Variants in UGT2B7 observed in about 807,000 individuals in gnomAD.
UGT2B7 encodes the protein UDP glucuronosyltransferase family 2 member B7.
Under a neutral mutation model 51.9 loss-of-function variants are expected in UGT2B7, and 51 were observed. That is an observed-to-expected ratio of 0.98 (90% CI 0.78 to 1.24). The LOEUF (loss-of-function observed/expected upper bound fraction) is 1.24, where lower values mean the gene tolerates loss of function less well. Ranked by LOEUF, UGT2B7 falls within the 50% of genes most tolerant of loss-of-function variation. The pLI, the probability that UGT2B7 is intolerant of heterozygous loss-of-function variation, is 0.00. For missense variants in UGT2B7, 727 were observed against 628.4 expected, an observed-to-expected ratio of 1.16 and a Z score of -1.68; for synonymous variants, 225 against 211.6, an observed-to-expected ratio of 1.06 and a Z score of -0.55.
At chr4:69,098,776 A>G in intron 2 of UGT2B7, 88 bp downstream of exon 2, 1 of 1,567,842 alleles carries the variant, frequency 6.4e-7, no homozygotes, top group South Asian at 1.2e-5. Flanking sequence ...TGTTTGACTT[A>G]CACTGAAAGA....
intron 1 of UGT2B7, among the ~76,000 whole-genome samples, chr4:69,070,853 C>T (rs1403866640): frequency 2.6e-5 from 4 of 151,984 alleles, no homozygotes; most frequent in South Asian, 2.1e-4. Flanking sequence ...ACTCTCTTAG[C>T]GTGGCGTTTA....
At chr4:69,073,601 A>T (rs1339035367) in intron 1 of UGT2B7, among the ~76,000 whole-genome samples, 3 of 152,326 alleles carry the variant, frequency 2.0e-5, no homozygotes, top group Non-Finnish European at 4.4e-5. Context: ...GGATTAATCC[A>T]CCATAATGAG....
At chr4:69,070,261 A>G (rs1351933952) in intron 1 of UGT2B7, among the ~76,000 whole-genome samples, 1 of 147,462 alleles carries the variant, frequency 6.8e-6, no homozygotes, top group Non-Finnish European at 1.5e-5. Flanking sequence ...TATATTTTAT[A>G]TATTATACTT....
chr4:69,068,775 C>G (rs1301239130), intron 1 of UGT2B7, among the ~76,000 whole-genome samples: 1 of 151,938 alleles, frequency 6.6e-6, no homozygotes, highest in Admixed American at 6.6e-5. Context: ...CAGTGCCATA[C>G]TTTAGCACTT....
intron 1 of UGT2B7, among the ~76,000 whole-genome samples, chr4:69,064,110 GAAA>G (rs56902567): frequency 1.2e-5 from 1 of 82,704 alleles, no homozygotes; most frequent in African/African-American, 5.6e-5. Flanking sequence ...AAGAAAGAAA[GAAA>G]AAGAAAGAAA....
At chr4:69,092,110 G>T (rs1719099003), upstream of UGT2B7, among the ~76,000 whole-genome samples, 2 of 151,856 alleles carry the variant, frequency 1.3e-5, no homozygotes, top group South Asian at 2.1e-4. Context: ...CAATTTTTTT[G>T]TAAAATGTTT....
intron 1 of UGT2B7, among the ~76,000 whole-genome samples, chr4:69,072,012 A>G (rs1176607526): frequency 6.6e-6 from 1 of 152,108 alleles, no homozygotes; most frequent in East Asian, 1.9e-4. Flanking sequence ...ATATAGCTAG[A>G]TAAAATAATC....
chr4:69,056,988 C>T (rs1382424990), intron 1 of UGT2B7, among the ~76,000 whole-genome samples: 1 of 152,198 alleles, frequency 6.6e-6, no homozygotes, highest in Non-Finnish European at 1.5e-5. Context: ...AGCCCTGGGC[C>T]TGCCTGGCTT....
intron 1 of UGT2B7, among the ~76,000 whole-genome samples, chr4:69,052,221 C>A (rs1209369116): frequency 6.6e-6 from 1 of 151,922 alleles, no homozygotes; most frequent in Non-Finnish European, 1.5e-5. Context: ...ACCAAGGCAC[C>A]AAGACCAGTT....
At chr4:69,087,136 C>T (rs1215886291) in intron 1 of UGT2B7, among the ~76,000 whole-genome samples, 1 of 151,568 alleles carries the variant, frequency 6.6e-6, no homozygotes, top group Non-Finnish European at 1.5e-5. Context: ...CTCTGTCTCT[C>T]TCTCTCTGTG....
intron 3 of UGT2B7, among the ~76,000 whole-genome samples, chr4:69,103,757 G>T (rs1293320394): frequency 6.6e-6 from 1 of 152,132 alleles, no homozygotes; most frequent in African/African-American, 2.4e-5. Context: ...GAAGCTCTTG[G>T]TGAATGTTTA....
chr4:69,077,947 T>A (rs1718751907), intron 1 of UGT2B7, among the ~76,000 whole-genome samples: 1 of 152,172 alleles, frequency 6.6e-6, no homozygotes, highest in Admixed American at 6.6e-5. Flanking sequence ...TTTTGAGATA[T>A]GTTCCATCAA....
At chr4:69,053,607 C>G (rs2109856982) in intron 1 of UGT2B7, among the ~76,000 whole-genome samples, 1 of 152,312 alleles carries the variant, frequency 6.6e-6, no homozygotes, top group South Asian at 2.1e-4. Context: ...GCTCTCTCTG[C>G]TATATCCTGA....
chr4:69,083,799 C>G (rs1428380947), intron 1 of UGT2B7, among the ~76,000 whole-genome samples: 1 of 152,054 alleles, frequency 6.6e-6, no homozygotes, highest in East Asian at 1.9e-4. Flanking sequence ...TTAGGATTTT[C>G]TGTGTATAAA....
intron 5 of UGT2B7, among the ~76,000 whole-genome samples, chr4:69,109,824 T>TTGAAAA (rs1719721300): frequency 1.3e-5 from 2 of 152,096 alleles, no homozygotes; most frequent in Non-Finnish European, 2.9e-5. Context: ...TTATAGCTAC[T>TTGAAAA]ATCAATAATG....
chr4:69,075,977 T>C (rs1718695271), intron 1 of UGT2B7, among the ~76,000 whole-genome samples: 1 of 151,990 alleles, frequency 6.6e-6, no homozygotes, highest in South Asian at 2.1e-4. Context: ...CCCCTCCCTG[T>C]GTCCATGTGT....
chr4:69,057,551 A>G (rs1718234052), intron 1 of UGT2B7, among the ~76,000 whole-genome samples: 1 of 152,244 alleles, frequency 6.6e-6, no homozygotes, highest in South Asian at 2.1e-4. Flanking sequence ...AAGAATTAAA[A>G]TCAGGATCTC....
In UGT2B7 at chr4:69,096,524, T is replaced by C. The variant is rs1454696412; in HGVS notation, c.4T>C (p.Ser2Pro). 7 of 1,613,774 alleles carry C rather than the reference T, an allele frequency of 4.3e-6. No individual in the cohort carries two copies. Among genetic ancestry groups the C allele is most frequent in the African/African-American group, 1.3e-5 (1 of 74,926 alleles). The change falls in exon 1 of 6, where the codon TCT becomes CCT. Residue 2 changes from serine to proline, a missense_variant. Ser to Pro is a moderately conservative substitution (Grantham distance 74). Coordinates refer to ENST00000305231, the MANE Select transcript of UGT2B7 (RefSeq NM_001074.4). M[S>P]VKWTSVILLI... ...ACAAGCATTGCATTGCACCAGGATGTCTGTGAAATGGACTTCAGTAATTTT... is the reference window on the plus strand; with the variant it reads ...ACAAGCATTGCATTGCACCAGGATGCCTGTGAAATGGACTTCAGTAATTTT...
intron 5 of UGT2B7, among the ~76,000 whole-genome samples, chr4:69,110,881 C>A (rs1719752716): frequency 6.6e-6 from 1 of 152,032 alleles, no homozygotes; most frequent in South Asian, 2.1e-4. Flanking sequence ...GAATATTTAT[C>A]TTTTGTATTT....
Sources: gnomAD v4.1 joint callset for allele counts (sites outside exome capture counted in the v4.1 genomes callset) on GRCh38, gnomAD v4.1.1 for gene constraint, MANE v1.5 for transcripts, NCBI Gene and HGNC (gene_info 2026-07-23, HGNC 2026-07-21) for gene names.